Variants in CDIN1 observed in about 807,000 individuals in gnomAD.
CDIN1 encodes the protein CDAN1 interacting nuclease 1, also known as CDAN1-interacting nuclease 1.
CDIN1 carries 33 observed loss-of-function variants against 45.3 expected under a neutral mutation model. The observed-to-expected ratio is 0.73, with a 90% CI of 0.55 to 0.97. CDIN1 has a LOEUF of 0.97. Ranked by LOEUF, CDIN1 falls within the 50% of genes least tolerant of loss-of-function variation. CDIN1 has a pLI of 0.00. For missense variants in CDIN1, 303 were observed against 339.4 expected (o/e 0.89, Z 0.84); for synonymous variants, 118 against 124.4 (o/e 0.95, Z 0.34).
chr15:36,632,554 G>A (rs1268649636), intron 1 of CDIN1, among the ~76,000 whole-genome samples: 1 of 151,878 alleles, frequency 6.6e-6, no homozygotes, highest in Admixed American at 6.6e-5. Context: ...TTATAGTACA[G>A]TTCCTCCCCT....
chr15:36,587,845 C>T (rs776484529), intron 1 of CDIN1, among the ~76,000 whole-genome samples: 31 of 152,260 alleles, frequency 2.0e-4, no homozygotes, highest in Non-Finnish European at 4.0e-4. Flanking sequence ...GGATATCAAA[C>T]CCAAGTAAAG....
At chr15:36,747,741 A>G (rs1427488717) in intron 10 of CDIN1, among the ~76,000 whole-genome samples, 1 of 152,206 alleles carries the variant, frequency 6.6e-6, no homozygotes, top group Non-Finnish European at 1.5e-5. Context: ...GTATTATATA[A>G]CTGCTGTCTA....
intron 10 of CDIN1, among the ~76,000 whole-genome samples, chr15:36,772,270 T>A (rs1178939992): frequency 6.6e-6 from 1 of 152,210 alleles, no homozygotes; most frequent in Non-Finnish European, 1.5e-5. Context: ...GTAAAGTTAG[T>A]TGAAGGCTTT....
chr15:36,618,721 C>A lies in CDIN1; in HGVS notation c.102-25557C>A. 5.1e-6 allele frequency: 4 copies of A among 783,602 alleles called. No homozygotes were observed. In the South Asian group the frequency reaches 5.4e-5, roughly 11 times the overall value. 48.5% of individuals were successfully genotyped at this position (783,602 alleles called of 1,614,324 possible). ...GCAACTCAGTATGAGTACCAGTTCT[C>A]CATGTGCAGCTGAGCCTACTGCATT... On this transcript the variant is annotated intron_variant, in intron 1 of 10. Coordinates refer to ENST00000566621, the MANE Select transcript of CDIN1 (RefSeq NM_001321759.2).
At chr15:36,787,567 G>A (rs530769233) in intron 10 of CDIN1, among the ~76,000 whole-genome samples, 1 of 152,240 alleles carries the variant, frequency 6.6e-6, no homozygotes, top group South Asian at 2.1e-4. Flanking sequence ...ATCCAGAACT[G>A]TCTTAAGATT....
chr15:36,729,991 A>G (rs912327373), intron 10 of CDIN1, among the ~76,000 whole-genome samples: 1 of 152,182 alleles, frequency 6.6e-6, no homozygotes, highest in African/African-American at 2.4e-5. Context: ...TTCAAGGTCT[A>G]TGTCAATTAT....
At chr15:36,605,662 C>T (rs2038329599) in intron 1 of CDIN1, among the ~76,000 whole-genome samples, 2 of 152,036 alleles carry the variant, frequency 1.3e-5, no homozygotes, top group African/African-American at 4.8e-5. Flanking sequence ...GTTGACTGTC[C>T]CCATTTACAT....
intron 10 of CDIN1, among the ~76,000 whole-genome samples, chr15:36,790,629 A>G (rs2054620194): frequency 6.6e-6 from 1 of 152,266 alleles, no homozygotes; most frequent in South Asian, 2.1e-4. Flanking sequence ...AAAATATCAC[A>G]TGTACCCCAT....
At chr15:36,696,981 C>T (rs907736378) in intron 7 of CDIN1, among the ~76,000 whole-genome samples, 16 of 146,268 alleles carry the variant, frequency 1.1e-4, no homozygotes, top group African/African-American at 3.8e-4. Flanking sequence ...ATTACCCAGG[C>T]GTGGTGGGTG....
chr15:36,640,323 C>T (rs1432211645), intron 1 of CDIN1, among the ~76,000 whole-genome samples: 1 of 152,042 alleles, frequency 6.6e-6, no homozygotes, highest in Non-Finnish European at 1.5e-5. Context: ...CACTCTGAAT[C>T]ATTAACTACA....
chr15:36,631,226 AT>A (rs2039665029), intron 1 of CDIN1, among the ~76,000 whole-genome samples: 1 of 152,210 alleles, frequency 6.6e-6, no homozygotes, highest in African/African-American at 2.4e-5. Context: ...GAAGTTCATA[AT>A]TTTGATCTTC....
intron 10 of CDIN1, among the ~76,000 whole-genome samples, chr15:36,765,975 AACTATAGGT>A (rs2053914128): frequency 6.6e-6 from 1 of 152,164 alleles, no homozygotes. Flanking sequence ...CCATATTGCT[AACTATAGGT>A]ACTATGGTAG....
chr15:36,780,487 A>G (rs2054322657), intron 10 of CDIN1, among the ~76,000 whole-genome samples: 1 of 152,216 alleles, frequency 6.6e-6, no homozygotes. Context: ...ATTCCTTTAT[A>G]GACTACCATA....
intron 5 of CDIN1, among the ~76,000 whole-genome samples, chr15:36,663,474 T>C (rs988338244): frequency 1.3e-5 from 2 of 152,144 alleles, no homozygotes; most frequent in Non-Finnish European, 2.9e-5. Context: ...TAGGAGGTAA[T>C]TGAATCATGG....
intron 10 of CDIN1, among the ~76,000 whole-genome samples, chr15:36,786,187 A>C (rs1264812819): frequency 2.0e-5 from 3 of 152,230 alleles, no homozygotes; most frequent in African/African-American, 7.2e-5. Context: ...TAGAGTTCAA[A>C]GCTGTAAGGC....
At chr15:36,792,104 C>T (rs1050559329) in intron 10 of CDIN1, among the ~76,000 whole-genome samples, 2 of 152,094 alleles carry the variant, frequency 1.3e-5, no homozygotes, top group Non-Finnish European at 1.5e-5. Context: ...AAAGAAAGAC[C>T]GTCACAAGCT....
At chr15:36,728,326 C>T (rs368826867) in intron 10 of CDIN1, among the ~76,000 whole-genome samples, 2 of 152,284 alleles carry the variant, frequency 1.3e-5, no homozygotes, top group East Asian at 3.9e-4. Flanking sequence ...ACAGTGATGA[C>T]TTCCCAGTAA....
chr15:36,649,838 T>G (rs1419427421), intron 3 of CDIN1, among the ~76,000 whole-genome samples: 1 of 152,184 alleles, frequency 6.6e-6, no homozygotes, highest in Non-Finnish European at 1.5e-5. Context: ...TTTTACATAC[T>G]TACATACACA....
intron 5 of CDIN1, among the ~76,000 whole-genome samples, chr15:36,682,562 C>G (rs1484748260): frequency 6.6e-6 from 1 of 150,586 alleles, no homozygotes; most frequent in Non-Finnish European, 1.5e-5. Flanking sequence ...TTGCTTGAGC[C>G]CAAGAGTTCA....
Sources: gnomAD v4.1 joint callset for allele counts (sites outside exome capture counted in the v4.1 genomes callset) on GRCh38, gnomAD v4.1.1 for gene constraint, MANE v1.5 for transcripts, NCBI Gene and HGNC (gene_info 2026-07-23, HGNC 2026-07-21) for gene names.